MYLIP: variants seen among roughly 807,000 people sequenced by gnomAD.
MYLIP encodes the protein E3 ubiquitin-protein ligase MYLIP.
Under a neutral mutation model 45.8 loss-of-function variants are expected in MYLIP, and 26 were observed. The ratio of observed to expected loss-of-function variants is 0.57; its 90% confidence interval spans 0.42 to 0.79. The LOEUF is 0.79. Ranked by LOEUF, MYLIP falls within the 30% of genes least tolerant of loss-of-function variation. The pLI is 0.00. For synonymous variants in MYLIP, 213 were observed against 218.1 expected, an observed-to-expected ratio of 0.98 and a Z score of 0.21; for missense variants, 494 against 555.6, an observed-to-expected ratio of 0.89 and a Z score of 1.11.
intron 2 of MYLIP, among the ~76,000 whole-genome samples, chr6:16,135,601 T>A (rs1206232345): frequency 6.6e-6 from 1 of 152,032 alleles, no homozygotes. Context: ...ACGTTAGATA[T>A]GGCTAGTTAC....
the MYLIP span, among the ~76,000 whole-genome samples, chr6:16,160,277 G>C: frequency 1.6e-4 from 25 of 152,260 alleles, no homozygotes; most frequent in Admixed American, 5.2e-4. Flanking sequence ...TTAAGAGAGG[G>C]GGGTTATGGC....
intron 3 of MYLIP, among the ~76,000 whole-genome samples, chr6:16,142,799 A>G (rs1247057976): frequency 6.6e-6 from 1 of 152,216 alleles, no homozygotes; most frequent in Non-Finnish European, 1.5e-5. Flanking sequence ...CCCATCCAGC[A>G]TCCCCAAAGT....
chr6:16,146,085 T>A (rs1012697347), intron 6 of MYLIP, among the ~76,000 whole-genome samples: 4 of 152,252 alleles, frequency 2.6e-5, no homozygotes, highest in African/African-American at 9.6e-5. Context: ...CCAGAAGCAG[T>A]CATAGGCTTG....
Position 16,129,536 on chromosome 6 carries a change from A to G in MYLIP, c.87+127A>G, listed in dbSNP as rs1008492062. On this transcript the variant is annotated intron_variant, in intron 1 of 6. Transcript: ENST00000356840. The surrounding 1 kb of genome is among the most constrained non-coding windows in gnomAD (Gnocchi z 5.1). ...AGGCACTGCGGCGGCAGCCGGGGGG[A>G]GCGCGTCCCCTCCTCTCCACGGGCG... 10 of 893,516 alleles carry G rather than the reference A, an allele frequency of 1.1e-5. No homozygotes were observed. The highest frequency in any genetic ancestry group is 5.3e-5 in the African/African-American group (3 of 56,542). The allele number at this position is 893,516 out of a possible 1,614,324, so 55.3% of individuals were successfully genotyped here. A position where few individuals can be genotyped will look rare whatever the true frequency, so the allele number is the denominator to read the frequency against.
chr6:16,132,626 A>G (rs1262451318), intron 2 of MYLIP, among the ~76,000 whole-genome samples: 1 of 152,210 alleles, frequency 6.6e-6, no homozygotes, highest in Non-Finnish European at 1.5e-5. Flanking sequence ...AAGTTTTAAT[A>G]ACTAGATAAA....
chr6:16,157,559 T>G, the MYLIP span, among the ~76,000 whole-genome samples: 1 of 152,266 alleles, frequency 6.6e-6, no homozygotes, highest in South Asian at 2.1e-4. Flanking sequence ...GAATGACTCA[T>G]AGGAGCCTAG....
intron 5 of MYLIP, among the ~76,000 whole-genome samples, chr6:16,144,384 G>A (rs767866554): frequency 1.3e-5 from 2 of 152,176 alleles, no homozygotes; most frequent in African/African-American, 4.8e-5. Flanking sequence ...CACTGTGTAT[G>A]GAAGGATTTT....
At chr6:16,149,534 T>C (rs555445449), downstream of MYLIP, among the ~76,000 whole-genome samples, 75 of 152,336 alleles carry the variant, frequency 4.9e-4, no homozygotes, top group African/African-American at 1.8e-3. Context: ...GCCCACCCGC[T>C]GCATGTCAGT....
chr6:16,155,930 G>A, the MYLIP span, among the ~76,000 whole-genome samples: 1 of 152,186 alleles, frequency 6.6e-6, no homozygotes, highest in Non-Finnish European at 1.5e-5. Context: ...CTGTGGCACT[G>A]AGCTCTTGTT....
chr6:16,149,576 A>T (rs575023195), downstream of MYLIP, among the ~76,000 whole-genome samples: 2 of 152,246 alleles, frequency 1.3e-5, no homozygotes, highest in Admixed American at 6.5e-5. Context: ...CTGAAGGAAC[A>T]TGTGATGTAG....
Position 16,143,824 on chromosome 6 carries a change from G to T in MYLIP, c.788G>T (p.Gly263Val). The T allele has an allele frequency of 6.2e-7, 1 of 1,613,320 alleles. No homozygotes were observed. The highest frequency in any genetic ancestry group is 8.5e-7 in the Non-Finnish European group (1 of 1,179,824). ...ATGATCAGCACCAGGGCGGCCAGCG[G>T]GCTCTACCGAGCGATAACAGAGACG... is the stretch of plus-strand genomic sequence containing the variant. ...FKMISTRAAS[G>V]LYRAITETHA... is the part of the protein sequence containing the mutation. Residue 263 changes from glycine to valine, a missense_variant, in exon 5 of 7, where the codon GGG (glycine) becomes GTG (valine). Gly to Val is a moderately radical substitution (Grantham distance 109). Transcript: ENST00000356840.
chr6:16,136,000 A>G (rs1759548797), intron 2 of MYLIP, among the ~76,000 whole-genome samples: 1 of 152,026 alleles, frequency 6.6e-6, no homozygotes, highest in East Asian at 1.9e-4. Flanking sequence ...ATTTCAAAAT[A>G]AGTTGTATAT....
At position 16,141,928 on chromosome 6, in the gene MYLIP, C is replaced by G. The variant is rs987616541; in HGVS notation, c.464+118C>G. On this transcript the variant is annotated intron_variant, in intron 3 of 6. Transcript: ENST00000356840. ...GCAGTTTTATGTACATTTTTGAGCTCTCTGATGTTCGAGGCACTTAAGAAG... is the reference window on the plus strand; with the variant it reads ...GCAGTTTTATGTACATTTTTGAGCTGTCTGATGTTCGAGGCACTTAAGAAG... 6.2e-6 allele frequency: 6 copies of G among 971,080 alleles called. No individual in the cohort carries two copies. In the South Asian group the frequency reaches 8.3e-5, roughly 13 times the overall value. 60.2% of individuals were successfully genotyped at this position (971,080 alleles called of 1,614,324 possible).
rs1759729564 is a variant in MYLIP at position 16,143,842 on chromosome 6, CAG to C, written c.810_811del (p.Glu270AspfsTer8). 6.2e-7 allele frequency: 1 copy of C among 1,613,184 alleles called. No homozygotes were observed. The highest frequency in any genetic ancestry group is 2.2e-5 in the East Asian group (1 of 44,866). On this transcript the variant is annotated frameshift_variant, in exon 5 of 7. Coordinates refer to ENST00000356840, the MANE Select transcript of MYLIP (RefSeq NM_013262.4). LOFTEE classifies it high-confidence loss of function. Reference sequence around the variant, plus strand: ...GCCAGCGGGCTCTACCGAGCGATAACAGAGACGCACGCATTCTACAGGCACGT... The same window carrying C: ...GCCAGCGGGCTCTACCGAGCGATAACAGACGCACGCATTCTACAGGCACGT...
In MYLIP at chr6:16,129,203, A is replaced by C; in HGVS notation, c.-120A>C. On this transcript the variant is annotated 5_prime_UTR_variant, in exon 1 of 7. Transcript: ENST00000356840. This position sits in a 1 kb window ranked among gnomAD's most constrained non-coding sequence, Gnocchi z 5.1. ...CGGGGCCCCGGACAAGGGTCCGCAG[A>C]GCTGCAGCCTTCGAGGGCCAGCCCT... The C allele has an allele frequency of 9.5e-7, 1 of 1,055,982 alleles. No homozygotes were observed. Among genetic ancestry groups the C allele is most frequent in the South Asian group, 1.5e-5 (1 of 68,612 alleles). The allele number at this position is 1,055,982 out of a possible 1,614,324, so 65.4% of individuals were successfully genotyped here.
downstream of MYLIP, among the ~76,000 whole-genome samples, chr6:16,150,209 G>A (rs1759860493): frequency 6.6e-6 from 1 of 152,178 alleles, no homozygotes; most frequent in African/African-American, 2.4e-5. Context: ...TAGGGATAAC[G>A]AGGGGCAGAA....
rs2113515883 is a variant in MYLIP at position 16,133,275 on chromosome 6, A to T, written c.278+2528A>T. Among the ~76,000 whole-genome samples, 3 of 152,222 alleles carry T rather than the reference A, an allele frequency of 2.0e-5. No individual in the cohort carries two copies. The South Asian group carries it at 6.2e-4, about 32-fold the overall frequency. On this transcript the variant is annotated intron_variant, in intron 2 of 6. Transcript: ENST00000356840. ...ATTTCTCTTAGCAATAACTTTTTTC[A>T]TTGCTTTTGTGTCCTCTTTATATTA...
chr6:16,146,124 C>T (rs1442742249), intron 6 of MYLIP, among the ~76,000 whole-genome samples: 3 of 152,230 alleles, frequency 2.0e-5, no homozygotes, highest in Non-Finnish European at 4.4e-5. Flanking sequence ...TTCTGACTCT[C>T]ATCCCTAAGT....
Position 16,140,445 on chromosome 6 carries a change from C to T in MYLIP, c.279-1180C>T, listed in dbSNP as rs140760990. On this transcript the variant is annotated intron_variant, in intron 2 of 6. Coordinates refer to ENST00000356840, the MANE Select transcript of MYLIP (RefSeq NM_013262.4). ...CTAAGGTTGGAAGGTAAACTAATCA[C>T]ACATAATATGCAGTTTTATGTACAT... is the stretch of plus-strand genomic sequence containing the variant. Among the ~76,000 whole-genome samples, 130 of 152,290 alleles carry T rather than the reference C, an allele frequency of 8.5e-4. 2 individuals carry two copies. Among genetic ancestry groups the T allele is most frequent in the African/African-American group, 2.8e-3 (116 of 41,548 alleles).
Sources: allele counts gnomAD v4.1 joint callset (sites outside exome capture counted in the v4.1 genomes callset), GRCh38; gene constraint gnomAD v4.1.1; non-coding constraint Gnocchi (gnomAD v3.1); transcripts MANE v1.5; gene names NCBI Gene and HGNC (gene_info 2026-07-23, HGNC 2026-07-21).